Variants in GLIS3 observed in about 807,000 individuals in gnomAD.
GLIS3 encodes zinc finger protein GLIS3.
In GLIS3, 53 loss-of-function variants were observed where a neutral mutation model predicts 78.6. The observed-to-expected ratio is 0.67, with a 90% CI of 0.54 to 0.85. The LOEUF (loss-of-function observed/expected upper bound fraction) is 0.85. Ranked by LOEUF, GLIS3 falls within the 40% of genes least tolerant of loss-of-function variation. The pLI, the probability that GLIS3 is intolerant of heterozygous loss-of-function variation, is 0.00. For missense variants in GLIS3, 1,703 were observed against 1,231.1 expected (o/e 1.38, Z -5.74); for synonymous variants, 684 against 509.9 (o/e 1.34, Z -4.60).
chr9:4,252,000 G>A (rs1262609297), intron 2 of GLIS3, among the ~76,000 whole-genome samples: 1 of 152,162 alleles, frequency 6.6e-6, no homozygotes, highest in African/African-American at 2.4e-5. Context: ...GCTTCCCTTT[G>A]TGGGTAACCG....
intron 9 of GLIS3, among the ~76,000 whole-genome samples, chr9:3,831,956 ATT>A (rs112385868): frequency 6.7e-6 from 1 of 148,266 alleles, no homozygotes. Flanking sequence ...GTCTTTGGGT[ATT>A]TTTTTTTTGC....
chr9:3,951,905 C>T (rs1816723803), intron 4 of GLIS3, among the ~76,000 whole-genome samples: 1 of 151,028 alleles, frequency 6.6e-6, no homozygotes, highest in South Asian at 2.1e-4. Flanking sequence ...CACCCACTGG[C>T]CTTTCTGGAT....
rs1375658020 is a variant in GLIS3, at chr9:4,118,090, T to C, written c.1388A>G (p.His463Arg). 7.1e-7 allele frequency: 1 copy of C among 1,412,032 alleles called. No individual in the cohort carries two copies. Among genetic ancestry groups the C allele is most frequent in the Non-Finnish European group, 9.5e-7 (1 of 1,056,384 alleles). 87.5% of individuals were successfully genotyped at this position (1,412,032 alleles called of 1,614,324 possible). A position where few individuals can be genotyped will look rare whatever the true frequency, so the allele number is the denominator to read the frequency against. ...PPPPGPPPPY[H>R]AHAHLHHPEL... ...CGGGTGGTGAAGGTGCGCATGGGCATGGTAAGGGGGTGGGGGGCCTGGGGG... is the reference window on the plus strand; with the variant it reads ...CGGGTGGTGAAGGTGCGCATGGGCACGGTAAGGGGGTGGGGGGCCTGGGGG... Residue 463 changes from histidine to arginine, a missense_variant, in exon 4 of 11, where the codon CAT becomes CGT. His to Arg is a conservative substitution (Grantham distance 29). Transcript: ENST00000381971. The surrounding 1 kb of genome is among the most constrained non-coding windows in gnomAD (Gnocchi z 4.7).
chr9:4,017,810 T>G (rs1015541452), intron 4 of GLIS3, among the ~76,000 whole-genome samples: 1 of 152,202 alleles, frequency 6.6e-6, no homozygotes, highest in Non-Finnish European at 1.5e-5. Context: ...GGACGGGCAC[T>G]AAGTCTCTGA....
chr9:3,883,069 A>C (rs1262285620), intron 7 of GLIS3, among the ~76,000 whole-genome samples: 2 of 152,118 alleles, frequency 1.3e-5, no homozygotes, highest in African/African-American at 4.8e-5. Context: ...CATTTATCCA[A>C]TCCCCATCTC....
At chr9:4,019,182 CA>C (rs1318141770) in intron 4 of GLIS3, among the ~76,000 whole-genome samples, 3 of 152,164 alleles carry the variant, frequency 2.0e-5, no homozygotes, top group African/African-American at 7.2e-5. Context: ...AGCTTGATAA[CA>C]AAAGATGGAA....
the GLIS3 span, among the ~76,000 whole-genome samples, chr9:4,394,864 T>C: frequency 3.3e-5 from 5 of 152,226 alleles, no homozygotes; most frequent in African/African-American, 4.8e-5. Flanking sequence ...GTCTAACTAT[T>C]ATGAATATCT....
the GLIS3 span, among the ~76,000 whole-genome samples, chr9:4,472,452 T>C: frequency 4.6e-5 from 7 of 152,172 alleles, no homozygotes; most frequent in Non-Finnish European, 7.4e-5. Flanking sequence ...TTCACGTCCT[T>C]TGTAGGGACA....
the GLIS3 span, among the ~76,000 whole-genome samples, chr9:4,450,945 C>T: frequency 1.1e-4 from 17 of 152,278 alleles, no homozygotes; most frequent in Admixed American, 2.0e-4. Context: ...CATCAACTAA[C>T]GGGTAAAATA....
intron 4 of GLIS3, among the ~76,000 whole-genome samples, chr9:4,098,141 C>T (rs958615060): frequency 6.6e-6 from 1 of 152,168 alleles, no homozygotes; most frequent in African/African-American, 2.4e-5. Flanking sequence ...AACAAATTCC[C>T]ATCTCTCAGG....
chr9:3,995,934 C>G (rs1820710197), intron 4 of GLIS3, among the ~76,000 whole-genome samples: 2 of 151,882 alleles, frequency 1.3e-5, no homozygotes. Context: ...TTCAAAAAGA[C>G]ACAATAATTT....
At chr9:4,063,939 G>A (rs1218657694) in intron 4 of GLIS3, among the ~76,000 whole-genome samples, 1 of 152,086 alleles carries the variant, frequency 6.6e-6, no homozygotes, top group Non-Finnish European at 1.5e-5. Context: ...AAGAAGAACA[G>A]ATCACAAAAT....
chr9:4,220,696 G>C (rs1342650194), intron 2 of GLIS3, among the ~76,000 whole-genome samples: 1 of 151,106 alleles, frequency 6.6e-6, no homozygotes, highest in African/African-American at 2.4e-5. Flanking sequence ...GGGGTTCAAG[G>C]CCAGCCAGTG....
chr9:4,297,930 C>T (rs1378443791), intron 1 of GLIS3, among the ~76,000 whole-genome samples: 3 of 149,114 alleles, frequency 2.0e-5, no homozygotes, highest in South Asian at 2.1e-4. Flanking sequence ...GATTCCTCGG[C>T]GCGGAGCTAG....
the GLIS3 span, among the ~76,000 whole-genome samples, chr9:4,420,786 C>G: frequency 6.6e-6 from 1 of 152,072 alleles, no homozygotes; most frequent in South Asian, 2.1e-4. Context: ...GAGTATATAA[C>G]ATAGAAAGAT....
At chr9:4,090,659 T>C (rs1458682267) in intron 4 of GLIS3, among the ~76,000 whole-genome samples, 1 of 152,194 alleles carries the variant, frequency 6.6e-6, no homozygotes, top group Non-Finnish European at 1.5e-5. Flanking sequence ...GCTGAAATTA[T>C]GGCTCCACCA....
the GLIS3 span, among the ~76,000 whole-genome samples, chr9:4,457,360 C>CAAAAAAAAAAAAAAAAAAA: frequency 8.0e-6 from 1 of 125,716 alleles, no homozygotes; most frequent in African/African-American, 3.0e-5. Flanking sequence ...GACCTTGTCT[C>CAAAAAAAAAAAAAAAAAAA]AAAAAAAAAA....
At chr9:4,161,197 C>T (rs1287884187) in intron 2 of GLIS3, among the ~76,000 whole-genome samples, 1 of 152,006 alleles carries the variant, frequency 6.6e-6, no homozygotes, top group Non-Finnish European at 1.5e-5. Context: ...TGCTTAAGCC[C>T]AGGAGACCAA....
chr9:3,979,325 C>G (rs1369228766), intron 4 of GLIS3, among the ~76,000 whole-genome samples: 1 of 152,222 alleles, frequency 6.6e-6, no homozygotes, highest in Non-Finnish European at 1.5e-5. Context: ...CCTCACTGTT[C>G]TGGTCAACCT....
Sources: allele counts gnomAD v4.1 joint callset (sites outside exome capture counted in the v4.1 genomes callset), GRCh38; gene constraint gnomAD v4.1.1; non-coding constraint Gnocchi (gnomAD v3.1); transcripts MANE v1.5; gene names NCBI Gene and HGNC (gene_info 2026-07-23, HGNC 2026-07-21).